NQO2: variants seen among roughly 807,000 people sequenced by gnomAD.
The protein encoded by NQO2 is ribosyldihydronicotinamide dehydrogenase [quinone].
NQO2 carries 18 observed loss-of-function variants against 22.0 expected under a neutral mutation model. That is an observed-to-expected ratio of 0.82 (90% CI 0.56 to 1.21). The LOEUF is 1.21. NQO2 is among the 50% of genes most tolerant of loss of function. The pLI is 0.00. For synonymous variants in NQO2, 106 were observed against 110.8 expected (o/e 0.96, Z 0.28); for missense variants, 267 against 286.9 (o/e 0.93, Z 0.50).
At chr6:3,015,745 C>A (rs1444440189) in intron 5 of NQO2, 102 bp downstream of exon 5, 2 of 1,155,724 alleles carry the variant, frequency 1.7e-6, no homozygotes, top group African/African-American at 1.5e-5. Flanking sequence ...CTTTTCTTAG[C>A]AAATATCGAT....
chr6:3,004,521 C>A, intron 1 of NQO2: 1 of 985,678 alleles, frequency 1.0e-6, no homozygotes, highest in Non-Finnish European at 1.2e-6. Context: ...GGAGCCCACT[C>A]CTCAGCACCC....
chr6:3,006,688 G>GAC lies in NQO2; in HGVS notation c.7+130_7+131dup. On this transcript the variant is annotated intron_variant, in intron 2 of 6. Coordinates refer to ENST00000380455, the MANE Select transcript of NQO2 (RefSeq NM_000904.6). This position sits in a 1 kb window ranked among gnomAD's most constrained non-coding sequence, Gnocchi z 4.0. ...ACATTGACCTTCCAGGTGGGAGTTA[G>GAC]ACTCTTAATCAGAAATTGGATACAT... The GAC allele has an allele frequency of 1.1e-6, 1 of 900,912 alleles. No homozygotes were observed. Among genetic ancestry groups the GAC allele is most frequent in the Non-Finnish European group, 1.6e-6 (1 of 619,128 alleles). The allele number at this position is 900,912 out of a possible 1,614,324, so 55.8% of individuals were successfully genotyped here.
Position 3,006,666 on chromosome 6 carries a change from T to C in NQO2, c.7+107T>C, listed in dbSNP as rs946120943. On this transcript the variant is annotated intron_variant, in intron 2 of 6. Transcript: ENST00000380455. This position sits in a 1 kb window ranked among gnomAD's most constrained non-coding sequence, Gnocchi z 4.0. Reference sequence around the variant, plus strand: ...CCTGAGCTCAAGTGACCCTCCCACATTGACCTTCCAGGTGGGAGTTAGACT... The same window carrying C: ...CCTGAGCTCAAGTGACCCTCCCACACTGACCTTCCAGGTGGGAGTTAGACT... 2 of 1,177,406 alleles carry C rather than the reference T, an allele frequency of 1.7e-6. No individual in the cohort carries two copies. The highest frequency in any genetic ancestry group is 2.3e-6 in the Non-Finnish European group (2 of 861,196). The allele number at this position is 1,177,406 out of a possible 1,614,324, so 72.9% of individuals were successfully genotyped here.
intron 1 of NQO2, among the ~76,000 whole-genome samples, chr6:3,000,852 C>CT (rs146718236): frequency 0.19 from 27,219 of 143,428 alleles, 2,680 homozygotes; most frequent in Admixed American, 0.26. Flanking sequence ...TTTCTTTTTT[C>CT]TTTTTTTTTT....
At chr6:3,012,946 C>CTTTT (rs751626888) in intron 4 of NQO2, among the ~76,000 whole-genome samples, 6,569 of 60,454 alleles carry the variant, frequency 0.11, 2,152 homozygotes, top group Non-Finnish European at 0.15. Context: ...TGTAACACTA[C>CTTTT]TTTTTTTTTT....
At chr6:3,016,703 C>G (rs945332841) in intron 5 of NQO2, 181 bp from the exon 6 acceptor site, 3 of 959,750 alleles carry the variant, frequency 3.1e-6, no homozygotes, top group Admixed American at 6.2e-5. Flanking sequence ...CTTGGATTGT[C>G]TCCTCCTCCT....
At chr6:3,008,207 C>T (rs1185047488) in intron 2 of NQO2, among the ~76,000 whole-genome samples, 10 of 152,134 alleles carry the variant, frequency 6.6e-5, no homozygotes, top group East Asian at 5.8e-4. Context: ...CACCTGAGGT[C>T]GGGAGTTCGA....
Position 3,004,412 on chromosome 6 carries a change from T to G in NQO2, c.-85-2056T>G. 5.1e-6 allele frequency: 5 copies of G among 985,602 alleles called. No individual in the cohort carries two copies. The South Asian group carries it at 2.3e-4, about 46-fold the overall frequency. The allele number at this position is 985,602 out of a possible 1,614,324, so 61.1% of individuals were successfully genotyped here. A position where few individuals can be genotyped will look rare whatever the true frequency, so the allele number is the denominator to read the frequency against. On this transcript the variant is annotated intron_variant, in intron 1 of 6. Transcript: ENST00000380455. ...TGTCTGCCCTCTTGGGGAGTGACAG[T>G]GCCCCACTCTGTTAAGTCCCATGCC...
chr6:3,019,654 A>C lies in NQO2; in HGVS notation c.695A>C (p.Ter232SerextTer28), dbSNP rs1003967429. ...PCTAHWHFGQ[*>S] The stretch of plus-strand genomic sequence containing the variant: ...ACAGCCCACTGGCACTTCGGGCAAT[A>C]ACTCTGTGGCACGTGGGCATCACGT... Residue 232 changes from the stop codon to serine, a stop_lost, in exon 7 of 7, where the codon TAA becomes TCA. Coordinates refer to ENST00000380455, the MANE Select transcript of NQO2 (RefSeq NM_000904.6). 1.5e-5 allele frequency: 24 copies of C among 1,602,878 alleles called. 1 individual carries two copies. The highest frequency in any genetic ancestry group is 1.7e-5 in the Non-Finnish European group (20 of 1,173,374).
rs775788830 is a variant in NQO2, at chr6:3,010,197, A to G, written c.172+8A>G. The G allele has an allele frequency of 6.3e-7, 1 of 1,584,494 alleles. No individual in the cohort carries two copies. Among genetic ancestry groups the G allele is most frequent in the Admixed American group, 1.8e-5 (1 of 54,374 alleles). On this transcript the variant is annotated splice_region_variant and intron_variant, in intron 3 of 6. Coordinates refer to ENST00000380455, the MANE Select transcript of NQO2 (RefSeq NM_000904.6). The stretch of plus-strand genomic sequence containing the variant: ...CAGACAAAGATATCACTGGTGAGTC[A>G]TGGGATAAATGCTCTATTTATAAAA...
At chr6:3,007,917 T>G (rs1757003844) in intron 2 of NQO2, among the ~76,000 whole-genome samples, 1 of 152,266 alleles carries the variant, frequency 6.6e-6, no homozygotes, top group South Asian at 2.1e-4. Context: ...CATGGAAGAC[T>G]AATTCCAGCA....
At chr6:3,008,032 A>G (rs867573615) in intron 2 of NQO2, among the ~76,000 whole-genome samples, 1 of 152,254 alleles carries the variant, frequency 6.6e-6, no homozygotes, top group African/African-American at 2.4e-5. Flanking sequence ...TTGAGGAGAT[A>G]TAATTTGACC....
At chr6:3,009,299 G>A (rs549976727) in intron 2 of NQO2, among the ~76,000 whole-genome samples, 106 of 152,270 alleles carry the variant, frequency 7.0e-4, no homozygotes, top group African/African-American at 2.5e-3. Flanking sequence ...TCTCTGTTCC[G>A]CCTGGCTCAC....
chr6:3,013,720 G>C (rs997601199), intron 4 of NQO2, among the ~76,000 whole-genome samples: 1 of 152,210 alleles, frequency 6.6e-6, no homozygotes, highest in East Asian at 1.9e-4. Flanking sequence ...CTGCAAGGAA[G>C]ATGTGCAGGC....
intron 6 of NQO2, 44 bp from the exon 7 acceptor site, chr6:3,019,435 A>G: frequency 6.4e-7 from 1 of 1,574,094 alleles, no homozygotes; most frequent in South Asian, 1.2e-5. Context: ...GGTATGTAAC[A>G]GGTGTAGTTT....
intron 1 of NQO2, chr6:3,004,644 C>T: frequency 1.0e-6 from 1 of 985,500 alleles, no homozygotes; most frequent in Non-Finnish European, 1.2e-6. Flanking sequence ...CTCAAGATTC[C>T]AGTCCTGGTG....
At position 3,006,022 on chromosome 6, in the gene NQO2, A is replaced by G. The variant is rs556190300; in HGVS notation, c.-85-446A>G. On this transcript the variant is annotated intron_variant, in intron 1 of 6. Transcript: ENST00000380455. This position sits in a 1 kb window ranked among gnomAD's most constrained non-coding sequence, Gnocchi z 4.0. Reference sequence around the variant, plus strand: ...TCTAAGCCAACTCCCATTATTTTCAAGTGAGGGGAAGGGCCGACAACTGCC... The same window carrying G: ...TCTAAGCCAACTCCCATTATTTTCAGGTGAGGGGAAGGGCCGACAACTGCC... Among the ~76,000 whole-genome samples the G allele has an allele frequency of 5.3e-5, 8 of 152,254 alleles. No homozygotes were observed. The South Asian group carries it at 1.7e-3, about 32-fold the overall frequency.
chr6:3,015,603 C>T lies in NQO2; in HGVS notation c.377C>T (p.Ala126Val). ...GATAGGGTGCTGTGCCAGGGCTTTG[C>T]CTTTGACATCCCAGGATTCTACGAT... is the stretch of plus-strand genomic sequence containing the variant. ...WMDRVLCQGF[A>V]FDIPGFYDSG... Residue 126 changes from alanine to valine, a missense_variant, in exon 5 of 7, where the codon GCC (alanine) becomes GTC (valine). By Grantham distance (64) the Ala-to-Val change is moderately conservative. Coordinates refer to ENST00000380455, the MANE Select transcript of NQO2 (RefSeq NM_000904.6). 3 of 1,614,174 alleles carry T rather than the reference C, an allele frequency of 1.9e-6. No individual in the cohort carries two copies. Among genetic ancestry groups the T allele is most frequent in the Non-Finnish European group, 2.5e-6 (3 of 1,180,034 alleles).
intron 2 of NQO2, among the ~76,000 whole-genome samples, chr6:3,007,851 A>C (rs1757001136): frequency 6.6e-6 from 1 of 152,270 alleles, no homozygotes; most frequent in Non-Finnish European, 1.5e-5. Flanking sequence ...AGATGGAAGC[A>C]GAACTGTGCC....
Sources: gnomAD v4.1 joint callset for allele counts (sites outside exome capture counted in the v4.1 genomes callset) on GRCh38, gnomAD v4.1.1 for gene constraint, Gnocchi (gnomAD v3.1) non-coding constraint, MANE v1.5 for transcripts, NCBI Gene and HGNC (gene_info 2026-07-23, HGNC 2026-07-21) for gene names.